The following ZC3H12B variants were observed in gnomAD, a reference collection of about 807,000 sequenced individuals.
ZC3H12B encodes the protein zinc finger CCCH-type containing 12B.
In ZC3H12B, 7 loss-of-function variants were observed where a neutral mutation model predicts 43.9. That is an observed-to-expected ratio of 0.16 (90% CI 0.09 to 0.30). The LOEUF (loss-of-function observed/expected upper bound fraction) is 0.30. Ranked by LOEUF, ZC3H12B falls within the 10% of genes least tolerant of loss-of-function variation. ZC3H12B has a pLI of 1.00. For missense variants in ZC3H12B, 475 were observed against 670.2 expected, an observed-to-expected ratio of 0.71 and a Z score of 3.22; for synonymous variants, 222 against 241.7, an observed-to-expected ratio of 0.92 and a Z score of 0.76.
chrX:65,103,849 G>A, the ZC3H12B span, among the ~76,000 whole-genome samples: 1 of 111,472 alleles, frequency 9.0e-6, no homozygotes, highest in Admixed American at 9.6e-5. Flanking sequence ...ACTGCCCAAA[G>A]TATTTGTAGA....
chrX:65,131,637 A>G, the ZC3H12B span, among the ~76,000 whole-genome samples: 30 of 111,633 alleles, frequency 2.7e-4, no homozygotes, highest in Non-Finnish European at 5.5e-4. Context: ...TTTAGTCAGG[A>G]TGGTAAAACT....
At chrX:65,499,051 A>G in exon 3 of ZC3H12B, 2 of 1,211,616 alleles carry the variant, frequency 1.7e-6, no homozygotes, top group Non-Finnish European at 2.2e-6. Context: ...TCTTCACACC[A>G]TCCCGAAGAG....
chrX:65,452,734 G>A (rs1046777157), intron 3 of ZC3H12B, among the ~76,000 whole-genome samples: 14 of 109,829 alleles, frequency 1.3e-4, no homozygotes, highest in East Asian at 5.7e-4. Flanking sequence ...CCAGCTGCTC[G>A]GGAGGCTGAG....
chrX:65,324,070 G>T, the ZC3H12B span, among the ~76,000 whole-genome samples: 1 of 111,952 alleles, frequency 8.9e-6, no homozygotes, highest in Non-Finnish European at 1.9e-5. Context: ...ATTTGTTTAA[G>T]TTCCCTGTAG....
the ZC3H12B span, among the ~76,000 whole-genome samples, chrX:65,089,389 A>G: frequency 2.7e-5 from 3 of 111,888 alleles, no homozygotes; most frequent in African/African-American, 9.7e-5. Context: ...AAGGGACAAT[A>G]AAAGTATAGT....
rs534658059 is a variant in ZC3H12B, at chrX:65,377,799, C to G, written n.295+8801C>G. Among the ~76,000 whole-genome samples the G allele has an allele frequency of 4.5e-5, 5 of 111,521 alleles. No homozygotes were observed. The South Asian group carries it at 1.9e-3, about 42-fold the overall frequency. On this transcript the variant is annotated intron_variant and non_coding_transcript_variant, in intron 2 of 5. Transcript: ENST00000617377. ...ATCAGAAAGAAAGTACGTTAGTGAG[C>G]AATAAGAAATCATCTGGAGGTCAGT...
At chrX:65,117,572 C>A in the ZC3H12B span, among the ~76,000 whole-genome samples, 1 of 111,607 alleles carries the variant, frequency 9.0e-6, no homozygotes. Flanking sequence ...TTAATTAGAT[C>A]CCATGTGTCA....
At chrX:65,217,951 G>T in the ZC3H12B span, among the ~76,000 whole-genome samples, 1 of 111,858 alleles carries the variant, frequency 8.9e-6, no homozygotes, top group African/African-American at 3.3e-5. Flanking sequence ...ATACCAGAAA[G>T]TCAAGAAACA....
the ZC3H12B span, among the ~76,000 whole-genome samples, chrX:65,075,581 A>T: frequency 8.9e-6 from 1 of 112,354 alleles, no homozygotes; most frequent in Non-Finnish European, 1.9e-5. Context: ...TGTGGGACAC[A>T]TGCCACAACT....
At chrX:65,111,522 A>T in the ZC3H12B span, among the ~76,000 whole-genome samples, 1 of 107,900 alleles carries the variant, frequency 9.3e-6, no homozygotes, top group African/African-American at 3.5e-5. Flanking sequence ...GCAATTTGCA[A>T]GTATTGCAAT....
At chrX:65,203,133 G>A in the ZC3H12B span, among the ~76,000 whole-genome samples, 1 of 111,638 alleles carries the variant, frequency 9.0e-6, no homozygotes, top group Non-Finnish European at 1.9e-5. Context: ...TTCTCTTCAG[G>A]GCAGTGAGCC....
chrX:65,130,688 C>T, the ZC3H12B span, among the ~76,000 whole-genome samples: 1 of 111,044 alleles, frequency 9.0e-6, no homozygotes, highest in Non-Finnish European at 1.9e-5. Flanking sequence ...GAAATGATGA[C>T]AGAATAGAAT....
the ZC3H12B span, among the ~76,000 whole-genome samples, chrX:65,296,786 A>G: frequency 1.8e-5 from 2 of 111,635 alleles, no homozygotes; most frequent in Non-Finnish European, 3.8e-5. Context: ...ATCCAACAGC[A>G]TATCAAAAAG....
At chrX:65,445,439 G>A (rs2067363082) in intron 3 of ZC3H12B, among the ~76,000 whole-genome samples, 1 of 112,686 alleles carries the variant, frequency 8.9e-6, no homozygotes, top group African/African-American at 3.2e-5. Context: ...TACGATTCAA[G>A]AGAAATCCCT....
the ZC3H12B span, among the ~76,000 whole-genome samples, chrX:65,142,069 GT>G: frequency 1.8e-5 from 2 of 111,992 alleles, no homozygotes; most frequent in African/African-American, 3.2e-5. Context: ...TCTACTTTTA[GT>G]TTTTTAAGGA....
chrX:65,138,724 T>C, the ZC3H12B span, among the ~76,000 whole-genome samples: 2 of 111,972 alleles, frequency 1.8e-5, no homozygotes, highest in Non-Finnish European at 3.8e-5. Flanking sequence ...AAGATTTCCT[T>C]TTTTTTCTGC....
chrX:65,159,719 T>A, the ZC3H12B span, among the ~76,000 whole-genome samples: 1 of 112,058 alleles, frequency 8.9e-6, no homozygotes, highest in South Asian at 3.7e-4. Flanking sequence ...AAGGGACAAT[T>A]TGACTCCCTC....
the ZC3H12B span, among the ~76,000 whole-genome samples, chrX:65,053,219 T>C: frequency 2.7e-5 from 3 of 110,792 alleles, no homozygotes; most frequent in East Asian, 8.5e-4. Context: ...TAACTCGCTA[T>C]TTACATTAGG....
At chrX:65,226,453 A>G in the ZC3H12B span, among the ~76,000 whole-genome samples, 1 of 111,741 alleles carries the variant, frequency 8.9e-6, no homozygotes, top group African/African-American at 3.3e-5. Context: ...CTAGGAAGAA[A>G]CTGCGTCAAC....
Sources: gnomAD v4.1 joint callset for allele counts (sites outside exome capture counted in the v4.1 genomes callset) on GRCh38, gnomAD v4.1.1 for gene constraint, MANE v1.5 for transcripts, NCBI Gene and HGNC (gene_info 2026-07-23, HGNC 2026-07-21) for gene names.